The following DUSP16 variants were observed in gnomAD, a reference collection of about 807,000 sequenced individuals.
DUSP16 encodes the protein dual specificity protein phosphatase 16.
Under a neutral mutation model 58.3 loss-of-function variants are expected in DUSP16, and 21 were observed. The ratio of observed to expected loss-of-function variants is 0.36; its 90% CI spans 0.26 to 0.52. The LOEUF is 0.52. DUSP16 is among the 20% of genes least tolerant of loss of function. The pLI is 0.94. For missense variants in DUSP16, 726 were observed against 819.0 expected, an observed-to-expected ratio of 0.89 and a Z score of 1.39; for synonymous variants, 320 against 323.8, an observed-to-expected ratio of 0.99 and a Z score of 0.12.
chr12:12,492,337 G>A (rs1034206610), intron 4 of DUSP16, among the ~76,000 whole-genome samples: 2 of 152,104 alleles, frequency 1.3e-5, no homozygotes, highest in African/African-American at 4.8e-5. Context: ...GAAACAGTCA[G>A]AGGCAAATTT....
intron 1 of DUSP16, among the ~76,000 whole-genome samples, chr12:12,527,697 C>A (rs188529611): frequency 6.6e-6 from 1 of 152,300 alleles, no homozygotes; most frequent in African/African-American, 2.4e-5. Flanking sequence ...AATGTCTGAT[C>A]ATATTTCCTT....
At chr12:12,483,827 C>T (rs1177361197) in intron 5 of DUSP16, among the ~76,000 whole-genome samples, 1 of 151,930 alleles carries the variant, frequency 6.6e-6, no homozygotes, top group African/African-American at 2.4e-5. Flanking sequence ...GGAGACTTAC[C>T]CAAATCTAAT....
intron 4 of DUSP16, among the ~76,000 whole-genome samples, chr12:12,489,037 G>A (rs886667080): frequency 3.3e-5 from 5 of 152,126 alleles, no homozygotes; most frequent in African/African-American, 7.2e-5. Context: ...CTGAGATCGC[G>A]CCATTGCACT....
rs1204738299 is a variant in DUSP16 at position 12,477,011 on chromosome 12, G to T, written c.1820C>A (p.Ala607Asp). 1 of 1,614,240 alleles carries T rather than the reference G, an allele frequency of 6.2e-7. No individual in the cohort carries two copies. Among genetic ancestry groups the T allele is most frequent in the East Asian group, 2.2e-5 (1 of 44,886 alleles). The change falls in exon 7 of 7, where the codon GCT becomes GAT. Residue 607 changes from alanine to aspartate, a missense_variant. Physicochemically the swap from Ala to Asp is moderately radical, Grantham distance 126. Transcript: ENST00000298573. The surrounding 1 kb of genome is among the most constrained non-coding windows in gnomAD (Gnocchi z 4.1). Reference protein sequence around the residue: ...VRRRQKPSDRADSRRSWHEES... With the variant: ...VRRRQKPSDRDDSRRSWHEES... The stretch of plus-strand genomic sequence containing the variant: ...TTCATGCCAGCTCCGCCGCGAGTCA[G>T]CTCTGTCACTTGGCTTCTGCCGCCT...
chr12:12,530,562 G>A (rs1177404655), intron 1 of DUSP16, among the ~76,000 whole-genome samples: 1 of 152,066 alleles, frequency 6.6e-6, no homozygotes, highest in African/African-American at 2.4e-5. Flanking sequence ...TTTGAGGCAG[G>A]CAATTGAACT....
intron 4 of DUSP16, among the ~76,000 whole-genome samples, chr12:12,500,233 C>G (rs1943889626): frequency 6.6e-6 from 1 of 152,110 alleles, no homozygotes. Flanking sequence ...AATTAATACC[C>G]TAAGAATATA....
At chr12:12,486,222 A>G (rs931321547) in intron 5 of DUSP16, among the ~76,000 whole-genome samples, 27 of 152,194 alleles carry the variant, frequency 1.8e-4, no homozygotes, top group African/African-American at 4.8e-4. Context: ...TACATGGAAC[A>G]TCAAGAGTCA....
intron 1 of DUSP16, among the ~76,000 whole-genome samples, chr12:12,559,448 C>T (rs769944037): frequency 6.6e-6 from 1 of 152,156 alleles, no homozygotes; most frequent in Non-Finnish European, 1.5e-5. Flanking sequence ...AATCAGTTCA[C>T]CCTATATTAA....
chr12:12,486,717 G>C (rs1236879438), intron 5 of DUSP16, among the ~76,000 whole-genome samples: 1 of 152,136 alleles, frequency 6.6e-6, no homozygotes, highest in Non-Finnish European at 1.5e-5. Flanking sequence ...AAAAGTTGGG[G>C]GAAGAATTTA....
intron 5 of DUSP16, among the ~76,000 whole-genome samples, chr12:12,484,608 C>T (rs78304506): frequency 0.064 from 9,692 of 151,980 alleles, 439 homozygotes; most frequent in East Asian, 0.18. Flanking sequence ...GAACATTAAC[C>T]GTAATTTATT....
chr12:12,536,762 A>T (rs1233463633), intron 1 of DUSP16, among the ~76,000 whole-genome samples: 1 of 150,268 alleles, frequency 6.7e-6, no homozygotes, highest in Non-Finnish European at 1.5e-5. Context: ...AAAAACGCCG[A>T]TGCGGTGGCT....
At chr12:12,524,438 G>A (rs898968108) in intron 1 of DUSP16, among the ~76,000 whole-genome samples, 2 of 152,220 alleles carry the variant, frequency 1.3e-5, no homozygotes, top group Non-Finnish European at 2.9e-5. Context: ...ATCATGGAGG[G>A]TAAAGTAACA....
intron 1 of DUSP16, among the ~76,000 whole-genome samples, chr12:12,528,077 T>C (rs922484234): frequency 7.9e-5 from 12 of 152,330 alleles, no homozygotes; most frequent in African/African-American, 2.9e-4. Flanking sequence ...ATCAGAGCTC[T>C]TGTCTTTTTC....
chr12:12,473,980 G>A lies in DUSP16; in HGVS notation c.*2853C>T, dbSNP rs924212984. Among the ~76,000 whole-genome samples, 1 of 152,132 alleles carries A rather than the reference G, an allele frequency of 6.6e-6. No individual in the cohort carries two copies. Among genetic ancestry groups the A allele is most frequent in the Non-Finnish European group, 1.5e-5 (1 of 68,034 alleles). ...ACCAAGTGTCTTAGGCTTTTTCACT[G>A]TAGTGTGCATTTAACGTACACAGTA... is the stretch of plus-strand genomic sequence containing the variant. On this transcript the variant is annotated 3_prime_UTR_variant, in exon 7 of 7. Coordinates refer to ENST00000298573, the MANE Select transcript of DUSP16 (RefSeq NM_030640.3).
intron 1 of DUSP16, among the ~76,000 whole-genome samples, chr12:12,556,867 G>A (rs576269966): frequency 3.8e-4 from 58 of 152,300 alleles, no homozygotes; most frequent in African/African-American, 1.4e-3. Context: ...TTGAACAGGT[G>A]TCATCCCTTA....
chr12:12,508,319 G>GAAGAA (rs972509317), intron 3 of DUSP16, among the ~76,000 whole-genome samples: 1 of 150,824 alleles, frequency 6.6e-6, no homozygotes, highest in African/African-American at 2.4e-5. Context: ...GAAACTAGTT[G>GAAGAA]AAGAAAAGAA....
At chr12:12,483,842 A>T (rs948884359) in intron 5 of DUSP16, among the ~76,000 whole-genome samples, 1 of 152,134 alleles carries the variant, frequency 6.6e-6, no homozygotes, top group Non-Finnish European at 1.5e-5. Context: ...TCTAATCTAA[A>T]TAACAACAAC....
intron 1 of DUSP16, among the ~76,000 whole-genome samples, chr12:12,544,829 TTTTC>T (rs1566048718): frequency 3.3e-5 from 5 of 152,142 alleles, no homozygotes; most frequent in South Asian, 2.1e-4. Flanking sequence ...CCAAAATTAG[TTTTC>T]TTTTTCTTTT....
At position 12,475,579 on chromosome 12, in the gene DUSP16, C is replaced by T. The variant is rs919884066; in HGVS notation, c.*1254G>A. ...ACCGTTTTATTCTGAATATTCCTTC[C>T]TCACTAAAGCCTCTCTCAGCCCTAC... On this transcript the variant is annotated 3_prime_UTR_variant, in exon 7 of 7. Coordinates refer to ENST00000298573, the MANE Select transcript of DUSP16 (RefSeq NM_030640.3). 1 of 152,216 alleles carries T rather than the reference C, an allele frequency of 6.6e-6. No homozygotes were observed. The highest frequency in any genetic ancestry group is 2.4e-5 in the African/African-American group (1 of 41,448). The allele number at this position is 152,216 out of a possible 1,614,324, so 9.4% of individuals were successfully genotyped here.
Sources: allele counts gnomAD v4.1 joint callset (sites outside exome capture counted in the v4.1 genomes callset), GRCh38; gene constraint gnomAD v4.1.1; non-coding constraint Gnocchi (gnomAD v3.1); transcripts MANE v1.5; gene names NCBI Gene and HGNC (gene_info 2026-07-23, HGNC 2026-07-21).